MEF2A: variants seen among roughly 807,000 people sequenced by gnomAD.
The protein encoded by MEF2A is myocyte enhancer factor 2A, also known as myocyte-specific enhancer factor 2A.
A neutral mutation model predicts 55.8 loss-of-function variants in MEF2A; 28 were observed. That is an observed-to-expected ratio of 0.50 (90% confidence interval 0.37 to 0.69). The LOEUF (loss-of-function observed/expected upper bound fraction) is 0.69. MEF2A is among the 30% of genes least tolerant of loss of function. MEF2A has a pLI of 0.00. For missense variants in MEF2A, 528 were observed against 626.2 expected (o/e 0.84, Z 1.67); for synonymous variants, 239 against 227.1 (o/e 1.05, Z -0.47).
At chr15:99,628,730 A>G (rs1423951903) in intron 2 of MEF2A, among the ~76,000 whole-genome samples, 1 of 152,176 alleles carries the variant, frequency 6.6e-6, no homozygotes, top group African/African-American at 2.4e-5. Flanking sequence ...ATGTATTGTA[A>G]CATTTGAAAT....
Position 99,699,071 on chromosome 15 carries a change from C to CA in MEF2A, c.859-4283dup, listed in dbSNP as rs371590167. Among the ~76,000 whole-genome samples, 7 of 148,830 alleles carry CA rather than the reference C, an allele frequency of 4.7e-5. No homozygotes were observed. The South Asian group carries it at 8.5e-4, about 18-fold the overall frequency. On this transcript the variant is annotated intron_variant, in intron 8 of 11. Transcript: ENST00000557942. ...GTCTTAAAAATTAAAAAAAAAAAAA[C>CA]AAAAAAAACTTGCTGTACAATCCGG...
chr15:99,681,845 A>G (rs1314259446), intron 7 of MEF2A: 3 of 152,212 alleles, frequency 2.0e-5, no homozygotes, highest in African/African-American at 7.2e-5. Flanking sequence ...GGAGTTGGAT[A>G]AGTTGAGATA....
At position 99,712,056 on chromosome 15, in the gene MEF2A, G is replaced by A. The variant is rs1197980442; in HGVS notation, c.1137-334G>A. On this transcript the variant is annotated intron_variant, in intron 11 of 11. Transcript: ENST00000557942. The surrounding 1 kb of genome is among the most constrained non-coding windows in gnomAD (Gnocchi z 4.1). ...GATGCTGAGGAAGAAGAGGCGGTGA[G>A]CAGATGAGGCTGCTGTTCCTCTGTC... Among the ~76,000 whole-genome samples the A allele has an allele frequency of 6.6e-6, 1 of 152,234 alleles. No homozygotes were observed. The highest frequency in any genetic ancestry group is 2.4e-5 in the African/African-American group (1 of 41,448).
chr15:99,687,480 C>T (rs1182750960), intron 7 of MEF2A, among the ~76,000 whole-genome samples: 2 of 152,044 alleles, frequency 1.3e-5, no homozygotes, highest in Non-Finnish European at 2.9e-5. Flanking sequence ...GCTACTTTTT[C>T]CTTCTGATGG....
At chr15:99,614,795 G>T (rs2039918852) in intron 2 of MEF2A, among the ~76,000 whole-genome samples, 1 of 152,138 alleles carries the variant, frequency 6.6e-6, no homozygotes, top group East Asian at 1.9e-4. Flanking sequence ...AGAGCAAGGT[G>T]GTAGTATGTA....
intron 10 of MEF2A, among the ~76,000 whole-genome samples, chr15:99,709,045 T>C (rs975156476): frequency 6.6e-6 from 1 of 152,202 alleles, no homozygotes; most frequent in African/African-American, 2.4e-5. Context: ...ATATTTGTTA[T>C]TTTAAAAAGA....
chr15:99,566,900 C>T (rs1959867865), intron 1 of MEF2A, among the ~76,000 whole-genome samples: 1 of 152,226 alleles, frequency 6.6e-6, no homozygotes, highest in Admixed American at 6.5e-5. Flanking sequence ...GGCTGAACCC[C>T]TGCCATCCGG....
intron 1 of MEF2A, among the ~76,000 whole-genome samples, chr15:99,567,637 G>GTGTGTGTGTGTGTA (rs1179693968): frequency 1.4e-5 from 2 of 143,256 alleles, no homozygotes; most frequent in African/African-American, 5.3e-5. Flanking sequence ...CTGTGTGTGT[G>GTGTGTGTGTGTGTA]TGTGTGTGTG....
chr15:99,631,516 C>T (rs965104191), intron 2 of MEF2A, among the ~76,000 whole-genome samples: 2 of 152,122 alleles, frequency 1.3e-5, no homozygotes, highest in Admixed American at 6.5e-5. Context: ...GGGAGCCTTT[C>T]CTGAACCATA....
chr15:99,588,739 G>C (rs1286285244), intron 1 of MEF2A, among the ~76,000 whole-genome samples: 1 of 151,856 alleles, frequency 6.6e-6, no homozygotes, highest in African/African-American at 2.4e-5. Context: ...CACTGCACCT[G>C]GCCAGTTTGC....
chr15:99,643,540 C>A (rs1349336705), intron 3 of MEF2A, among the ~76,000 whole-genome samples: 1 of 151,684 alleles, frequency 6.6e-6, no homozygotes, highest in Non-Finnish European at 1.5e-5. Context: ...AAAACAAGTA[C>A]ATCAACAGAT....
At chr15:99,618,000 A>T (rs955151031) in intron 2 of MEF2A, among the ~76,000 whole-genome samples, 1 of 152,238 alleles carries the variant, frequency 6.6e-6, no homozygotes, top group Non-Finnish European at 1.5e-5. Flanking sequence ...TTAAAAAAGC[A>T]CAGAAAATCA....
Position 99,593,189 on chromosome 15 carries a change from C to T in MEF2A, c.-224-5241C>T, listed in dbSNP as rs190751716. ...AGTACCATCCTTTTTGCTAATCTGT[C>T]GCACAAATTCCCATTACCTCAGACT... On this transcript the variant is annotated intron_variant, in intron 1 of 11. Transcript: ENST00000557942. 4.9e-3 allele frequency among the ~76,000 whole-genome samples: 751 copies of T among 152,204 alleles called. 4 individuals carry two copies. Among genetic ancestry groups the T allele is most frequent in the Non-Finnish European group, 7.5e-3 (512 of 68,014 alleles).
At chr15:99,601,111 A>G (rs962097522) in intron 2 of MEF2A, among the ~76,000 whole-genome samples, 1 of 152,208 alleles carries the variant, frequency 6.6e-6, no homozygotes, top group Non-Finnish European at 1.5e-5. Context: ...TCTGACACAT[A>G]GTTTGTTAAA....
chr15:99,640,392 T>G (rs2044663258), intron 3 of MEF2A, among the ~76,000 whole-genome samples: 1 of 152,202 alleles, frequency 6.6e-6, no homozygotes, highest in Non-Finnish European at 1.5e-5. Flanking sequence ...TTGCAATACA[T>G]ATTGACCATC....
chr15:99,573,881 G>C (rs1963370926), intron 1 of MEF2A, among the ~76,000 whole-genome samples: 1 of 152,134 alleles, frequency 6.6e-6, no homozygotes. Context: ...TTGGCAAAAT[G>C]TTTATTTTGA....
intron 7 of MEF2A, among the ~76,000 whole-genome samples, chr15:99,675,907 G>T (rs1480329308): frequency 6.6e-6 from 1 of 152,066 alleles, no homozygotes; most frequent in Non-Finnish European, 1.5e-5. Flanking sequence ...GGGCGTGGCA[G>T]TGTGCACCTG....
At chr15:99,639,157 C>T (rs548953894) in intron 3 of MEF2A, among the ~76,000 whole-genome samples, 9 of 152,230 alleles carry the variant, frequency 5.9e-5, no homozygotes, top group African/African-American at 2.2e-4. Flanking sequence ...TAACATATGT[C>T]AGTGCTGACA....
chr15:99,694,572 G>C (rs577523578), intron 8 of MEF2A, among the ~76,000 whole-genome samples: 1 of 152,128 alleles, frequency 6.6e-6, no homozygotes, highest in Non-Finnish European at 1.5e-5. Flanking sequence ...AACCTGTATC[G>C]TCATAACTAT....
Sources: gnomAD v4.1 joint callset for allele counts (sites outside exome capture counted in the v4.1 genomes callset) on GRCh38, gnomAD v4.1.1 for gene constraint, Gnocchi (gnomAD v3.1) non-coding constraint, MANE v1.5 for transcripts, NCBI Gene and HGNC (gene_info 2026-07-23, HGNC 2026-07-21) for gene names.